The following TTC7B variants were observed in gnomAD, a reference collection of about 807,000 sequenced individuals.
The protein encoded by TTC7B is tetratricopeptide repeat protein 7B.
Under a neutral mutation model 106.8 loss-of-function variants are expected in TTC7B, and 28 were observed. The observed-to-expected ratio is 0.26, with a 90% CI of 0.19 to 0.36. The LOEUF is 0.36. TTC7B is among the 10% of genes least tolerant of loss of function. TTC7B has a pLI of 1.00. For missense variants in TTC7B, 862 were observed against 1,076.4 expected, an observed-to-expected ratio of 0.80 and a Z score of 2.79; for synonymous variants, 405 against 430.6, an observed-to-expected ratio of 0.94 and a Z score of 0.74.
At chr14:90,589,196 T>G (rs1358388477) in intron 18 of TTC7B, among the ~76,000 whole-genome samples, 1 of 152,162 alleles carries the variant, frequency 6.6e-6, no homozygotes, top group Non-Finnish European at 1.5e-5. Flanking sequence ...CTTATCAAAA[T>G]TAAAGAGTAC....
chr14:90,803,689 C>A (rs2140058988), intron 1 of TTC7B, among the ~76,000 whole-genome samples: 1 of 147,134 alleles, frequency 6.8e-6, no homozygotes, highest in East Asian at 2.1e-4. Flanking sequence ...AGGCTTCATG[C>A]CAAGCCTCCC....
intron 15 of TTC7B, among the ~76,000 whole-genome samples, chr14:90,639,745 T>C (rs1418138388): frequency 6.6e-6 from 1 of 152,220 alleles, no homozygotes; most frequent in Non-Finnish European, 1.5e-5. Flanking sequence ...CTGTTCATAA[T>C]AGCTAAAACC....
At chr14:90,773,372 A>G (rs1436663758) in intron 3 of TTC7B, among the ~76,000 whole-genome samples, 3 of 152,180 alleles carry the variant, frequency 2.0e-5, no homozygotes, top group African/African-American at 7.2e-5. Context: ...CCTCACTCAC[A>G]ATGAGTGATT....
chr14:90,561,669 G>A (rs1890589394), intron 19 of TTC7B, among the ~76,000 whole-genome samples: 1 of 152,206 alleles, frequency 6.6e-6, no homozygotes, highest in African/African-American at 2.4e-5. Context: ...TCCTCCCTGT[G>A]GAAGCCGTTT....
chr14:90,692,505 A>G (rs1887514566), intron 6 of TTC7B, among the ~76,000 whole-genome samples: 1 of 152,272 alleles, frequency 6.6e-6, no homozygotes, highest in Admixed American at 6.5e-5. Context: ...GAATGTCATT[A>G]GATGGAGAAA....
intron 15 of TTC7B, among the ~76,000 whole-genome samples, chr14:90,619,734 G>A (rs993612246): frequency 7.9e-5 from 12 of 152,136 alleles, no homozygotes; most frequent in Non-Finnish European, 1.5e-4. Context: ...GTGCCCTTTG[G>A]TTGTTTTCTG....
chr14:90,655,385 T>C (rs1304943717), intron 11 of TTC7B, among the ~76,000 whole-genome samples: 2 of 152,264 alleles, frequency 1.3e-5, no homozygotes, highest in African/African-American at 4.8e-5. Context: ...TCTATCTTTT[T>C]CATCTTTATT....
intron 9 of TTC7B, among the ~76,000 whole-genome samples, chr14:90,665,317 G>C (rs573860235): frequency 6.6e-6 from 1 of 152,116 alleles, no homozygotes; most frequent in African/African-American, 2.4e-5. Context: ...ACTCTAAATG[G>C]CATCCTAATC....
Position 90,805,558 on chromosome 14 carries a change from G to C in TTC7B, c.121+10617C>G, listed in dbSNP as rs559422620. Among the ~76,000 whole-genome samples the C allele has an allele frequency of 2.0e-5, 3 of 152,268 alleles. No homozygotes were observed. Among genetic ancestry groups the C allele is most frequent in the African/African-American group, 7.2e-5 (3 of 41,560 alleles). On this transcript the variant is annotated intron_variant, in intron 1 of 19. Coordinates refer to ENST00000328459, the MANE Select transcript of TTC7B (RefSeq NM_001010854.2). The surrounding 1 kb of genome is among the most constrained non-coding windows in gnomAD (Gnocchi z 4.0). Reference sequence around the variant, plus strand: ...TGGGATTGCAGGCATGAGCCACCGCGCCCGGCCTAAACCTCACCTCTATCT... The same window carrying C: ...TGGGATTGCAGGCATGAGCCACCGCCCCCGGCCTAAACCTCACCTCTATCT...
intron 4 of TTC7B, among the ~76,000 whole-genome samples, chr14:90,737,706 A>G (rs1889596916): frequency 6.6e-6 from 1 of 151,934 alleles, no homozygotes; most frequent in South Asian, 2.1e-4. Context: ...CTGCAGGTGC[A>G]CACCACCACG....
chr14:90,720,781 A>G (rs1213361543), intron 5 of TTC7B, among the ~76,000 whole-genome samples: 1 of 152,234 alleles, frequency 6.6e-6, no homozygotes, highest in Non-Finnish European at 1.5e-5. Context: ...AGAAAAGAAA[A>G]TAGTATTATC....
intron 9 of TTC7B, among the ~76,000 whole-genome samples, chr14:90,665,027 T>C (rs968132061): frequency 1.5e-4 from 23 of 152,144 alleles, no homozygotes; most frequent in African/African-American, 4.8e-4. Flanking sequence ...AGCTAGATTC[T>C]GGCCCCTTTT....
chr14:90,786,995 C>T (rs577110111), intron 1 of TTC7B, among the ~76,000 whole-genome samples: 15 of 152,266 alleles, frequency 9.9e-5, no homozygotes, highest in African/African-American at 3.1e-4. Context: ...CCCAGTGTTA[C>T]GTATTTTCAA....
intron 18 of TTC7B, among the ~76,000 whole-genome samples, chr14:90,588,656 C>T (rs1891819828): frequency 6.6e-6 from 1 of 152,156 alleles, no homozygotes; most frequent in African/African-American, 2.4e-5. Flanking sequence ...CAAAGGTGCT[C>T]ACTTCTATCC....
chr14:90,791,394 G>A (rs932370779), intron 1 of TTC7B, among the ~76,000 whole-genome samples: 1 of 152,164 alleles, frequency 6.6e-6, no homozygotes, highest in Admixed American at 6.6e-5. Context: ...TTAATTAGAT[G>A]ATAGGGAAGG....
At chr14:90,705,762 T>C (rs977097633) in intron 5 of TTC7B, among the ~76,000 whole-genome samples, 9 of 152,150 alleles carry the variant, frequency 5.9e-5, no homozygotes, top group Non-Finnish European at 1.2e-4. Flanking sequence ...CACGTAGGCA[T>C]CCCTACCCTA....
chr14:90,556,234 T>G (rs1178480559), intron 19 of TTC7B, among the ~76,000 whole-genome samples: 1 of 152,094 alleles, frequency 6.6e-6, no homozygotes, highest in East Asian at 1.9e-4. Context: ...CAGCAATATG[T>G]GGGGATGCCA....
intron 4 of TTC7B, among the ~76,000 whole-genome samples, chr14:90,736,797 C>G (rs1282899710): frequency 6.8e-6 from 1 of 147,954 alleles, no homozygotes; most frequent in East Asian, 2.0e-4. Context: ...GCAGGAGGGA[C>G]AGGAGGATCT....
At chr14:90,693,389 A>G (rs2139942915) in intron 6 of TTC7B, among the ~76,000 whole-genome samples, 1 of 152,332 alleles carries the variant, frequency 6.6e-6, no homozygotes, top group East Asian at 1.9e-4. Flanking sequence ...TAATTTAACT[A>G]TGTTGTATAT....
Sources: gnomAD v4.1 joint callset for allele counts (sites outside exome capture counted in the v4.1 genomes callset) on GRCh38, gnomAD v4.1.1 for gene constraint, Gnocchi (gnomAD v3.1) non-coding constraint, MANE v1.5 for transcripts, NCBI Gene and HGNC (gene_info 2026-07-23, HGNC 2026-07-21) for gene names.